Variants in WDFY3 observed in about 807,000 individuals in gnomAD.
The protein encoded by WDFY3 is WD repeat and FYVE domain-containing protein 3.
Under a neutral mutation model 409.6 loss-of-function variants are expected in WDFY3, and 66 were observed. That is an observed-to-expected ratio of 0.16 (90% CI 0.13 to 0.20). The LOEUF is 0.20. Among genes scored for constraint, WDFY3 ranks in the 10% least tolerant of loss-of-function variants. The pLI is 1.00. For missense variants in WDFY3, 3,031 were observed against 4,298.1 expected (o/e 0.71, Z 8.24); for synonymous variants, 1,521 against 1,537.1 (o/e 0.99, Z 0.25).
chr4:84,888,267 T>C (rs141089919), intron 3 of WDFY3, among the ~76,000 whole-genome samples: 228 of 152,294 alleles, frequency 1.5e-3, no homozygotes, highest in African/African-American at 5.0e-3. Context: ...GAGGTAGTCA[T>C]GGTGGCTCGT....
At chr4:84,916,568 A>G (rs1768516135) in intron 2 of WDFY3, among the ~76,000 whole-genome samples, 1 of 152,102 alleles carries the variant, frequency 6.6e-6, no homozygotes, top group African/African-American at 2.4e-5. Context: ...CTATTCTGAC[A>G]CTCTAATGCA....
chr4:84,834,621 G>A (rs1172604405), intron 7 of WDFY3, among the ~76,000 whole-genome samples: 9 of 152,004 alleles, frequency 5.9e-5, no homozygotes, highest in Non-Finnish European at 7.4e-5. Flanking sequence ...ACCGCACTCC[G>A]GCCTGGGAGA....
chr4:84,694,878 T>C (rs908314882), intron 58 of WDFY3, among the ~76,000 whole-genome samples: 7 of 152,158 alleles, frequency 4.6e-5, no homozygotes, highest in Non-Finnish European at 1.0e-4. Flanking sequence ...TGTCCTGCTA[T>C]CTATCATGGC....
intron 36 of WDFY3, among the ~76,000 whole-genome samples, chr4:84,746,841 A>G (rs1739536362): frequency 8.3e-6 from 1 of 120,460 alleles, no homozygotes; most frequent in South Asian, 2.5e-4. Context: ...CCCATTTTAG[A>G]AATAATTGAG....
intron 67 of WDFY3, among the ~76,000 whole-genome samples, chr4:84,674,624 C>T (rs1476478367): frequency 6.6e-6 from 1 of 151,502 alleles, no homozygotes; most frequent in Non-Finnish European, 1.5e-5. Context: ...AATCCCAGCA[C>T]TTTGGGAGGC....
chr4:84,903,337 G>T (rs1766587037), intron 2 of WDFY3, among the ~76,000 whole-genome samples: 1 of 152,070 alleles, frequency 6.6e-6, no homozygotes, highest in Non-Finnish European at 1.5e-5. Context: ...CAAAAAGGGA[G>T]TTTGTTGCTT....
chr4:84,769,164 C>T (rs184095662), intron 30 of WDFY3, among the ~76,000 whole-genome samples: 3 of 152,270 alleles, frequency 2.0e-5, no homozygotes, highest in East Asian at 3.9e-4. Flanking sequence ...AAAGTGGTTT[C>T]TTGAGATGGA....
intron 36 of WDFY3, among the ~76,000 whole-genome samples, chr4:84,748,216 C>G (rs1413515053): frequency 6.6e-6 from 1 of 152,198 alleles, no homozygotes; most frequent in Non-Finnish European, 1.5e-5. Flanking sequence ...GAAGCCAACA[C>G]AGGCCACGTA....
intron 2 of WDFY3, among the ~76,000 whole-genome samples, chr4:84,911,071 T>C (rs942349382): frequency 6.6e-6 from 1 of 151,970 alleles, no homozygotes; most frequent in Non-Finnish European, 1.5e-5. Context: ...ATAGATAAAC[T>C]GGACTTCATA....
intron 36 of WDFY3, among the ~76,000 whole-genome samples, chr4:84,746,447 G>A (rs144478631): frequency 3.8e-4 from 58 of 152,258 alleles, no homozygotes; most frequent in African/African-American, 1.3e-3. Context: ...ACTATTAAAC[G>A]TACAGAAATG....
chr4:84,921,959 T>G (rs1038471218), intron 2 of WDFY3, among the ~76,000 whole-genome samples: 3 of 151,904 alleles, frequency 2.0e-5, no homozygotes, highest in African/African-American at 7.2e-5. Context: ...CTGGCCTGCT[T>G]TCATTTTTAG....
chr4:84,706,691 C>A (rs929505253), intron 53 of WDFY3, among the ~76,000 whole-genome samples: 6 of 152,020 alleles, frequency 3.9e-5, no homozygotes, highest in Non-Finnish European at 8.8e-5. Context: ...TGAAGTGGAG[C>A]TGGTCAGTTG....
chr4:84,840,350 T>A (rs1417904869), intron 6 of WDFY3, among the ~76,000 whole-genome samples: 1 of 152,220 alleles, frequency 6.6e-6, no homozygotes, highest in Non-Finnish European at 1.5e-5. Context: ...AAAATGTCAA[T>A]GTTTCCTTAT....
Position 84,721,539 on chromosome 4 carries a change from G to A in WDFY3, c.7475C>T (p.Ser2492Phe). The A allele has an allele frequency of 6.2e-7, 1 of 1,609,512 alleles. No individual in the cohort carries two copies. The highest frequency in any genetic ancestry group is 8.5e-7 in the Non-Finnish European group (1 of 1,179,986). The change falls in exon 47 of 68, where the codon TCT becomes TTT. Residue 2492 changes from serine (S) to phenylalanine (F), a missense_variant. By Grantham distance (155) the Ser-to-Phe change is radical. Around this residue, in one of 16 missense-constraint regions of WDFY3, gnomAD observed 127 missense variants for 144.4 expected, o/e 0.88. Transcript: ENST00000295888. ...CTCCTCATCTCCTCCATCAGGTGCA[G>A]ATCGGGAGCGTTTTAGAGGAGGCTT... ...LVKPPLKRSR[S>F]APDGGDEENQ...
At chr4:84,738,924 T>G (rs1578311808) in intron 40 of WDFY3, 86 bp downstream of exon 40, 1 of 1,418,546 alleles carries the variant, frequency 7.0e-7, no homozygotes, top group Non-Finnish European at 9.9e-7. Context: ...ATGCTGGCAG[T>G]TTCTGAAGCC....
chr4:84,925,812 C>A (rs1430389002), intron 2 of WDFY3, among the ~76,000 whole-genome samples: 2 of 151,840 alleles, frequency 1.3e-5, no homozygotes, highest in Non-Finnish European at 2.9e-5. Context: ...TTCAAATGGT[C>A]CAGCAGTGCC....
At chr4:84,700,220 T>C (rs1023446797) in intron 56 of WDFY3, among the ~76,000 whole-genome samples, 1 of 152,222 alleles carries the variant, frequency 6.6e-6, no homozygotes, top group Admixed American at 6.5e-5. Context: ...TTGTTTTGTT[T>C]TGGAGACAAG....
At chr4:84,830,227 T>G (rs1755501765) in intron 8 of WDFY3, among the ~76,000 whole-genome samples, 2 of 152,190 alleles carry the variant, frequency 1.3e-5, no homozygotes, top group South Asian at 4.1e-4. Flanking sequence ...AACTTGATGA[T>G]TTGACTTAAG....
rs1729335518 is a variant in WDFY3, at chr4:84,691,927, C to G, written c.9050-142G>C. The G allele has an allele frequency of 4.5e-6, 4 of 888,384 alleles. No homozygotes were observed. In the South Asian group the frequency reaches 8.5e-5, roughly 19 times the overall value. 55.0% of individuals were successfully genotyped at this position (888,384 alleles called of 1,614,324 possible). On this transcript the variant is annotated intron_variant, in intron 59 of 67. Coordinates refer to ENST00000295888, the MANE Select transcript of WDFY3 (RefSeq NM_014991.6). Reference sequence around the variant, plus strand: ...AGAAAAAATGATCTCTGAAATAGAGCTGGGCTTTTGAATCTCCTACAAGAC... The same window carrying G: ...AGAAAAAATGATCTCTGAAATAGAGGTGGGCTTTTGAATCTCCTACAAGAC...
Sources: allele counts gnomAD v4.1 joint callset (sites outside exome capture counted in the v4.1 genomes callset), GRCh38; gene constraint gnomAD v4.1.1; regional missense constraint gnomAD v4.1.1; transcripts MANE v1.5; gene names NCBI Gene and HGNC (gene_info 2026-07-23, HGNC 2026-07-21).